The following NEK5 variants were observed in gnomAD, a reference collection of about 807,000 sequenced individuals.
The protein encoded by NEK5 is serine/threonine-protein kinase Nek5.
Under a neutral mutation model 109.2 loss-of-function variants are expected in NEK5, and 88 were observed. That is an observed-to-expected ratio of 0.81 (90% CI 0.68 to 0.96). The LOEUF is 0.96. Ranked by LOEUF, NEK5 falls within the 40% of genes least tolerant of loss-of-function variation. The pLI, the probability that NEK5 is intolerant of heterozygous loss-of-function variation, is 0.00. For synonymous variants in NEK5, 283 were observed against 299.9 expected (o/e 0.94, Z 0.58); for missense variants, 834 against 920.7 (o/e 0.91, Z 1.22).
At chr13:52,107,206 C>G (rs1955673018) in intron 8 of NEK5, among the ~76,000 whole-genome samples, 1 of 152,176 alleles carries the variant, frequency 6.6e-6, no homozygotes, top group Admixed American at 6.5e-5. Flanking sequence ...TCACTGGGAT[C>G]CCCATTTTGT....
At chr13:52,071,830 G>A (rs1954789037) in intron 20 of NEK5, 114 bp downstream of exon 20, 1 of 879,766 alleles carries the variant, frequency 1.1e-6, no homozygotes, top group East Asian at 2.5e-5. Context: ...GCTTAGAGAG[G>A]GCAGAAAGGG....
intron 3 of NEK5, among the ~76,000 whole-genome samples, chr13:52,124,693 C>T (rs1956031289): frequency 6.6e-6 from 1 of 152,164 alleles, no homozygotes; most frequent in South Asian, 2.1e-4. Flanking sequence ...AAGGCTAACA[C>T]CATTAAGTCA....
At position 52,108,359 on chromosome 13, in the gene NEK5, C is replaced by T. The variant is rs1488722920; in HGVS notation, c.513G>A (p.Leu171=). Residue 171 remains leucine, a synonymous_variant, in exon 8 of 24, where the codon CTG becomes CTA. Coordinates refer to ENST00000684899, the MANE Select transcript of NEK5 (RefSeq NM_001365552.1). The part of the protein sequence containing the change: ...ARTCIGTPYY[L]SPEICQNKPY... The stretch of plus-strand genomic sequence containing the variant: ...GTTTATTCTGACAGATCTCTGGGGA[C>T]AGGTAGTAAGGTGTTCCAATACAAG... 7 of 1,611,390 alleles carry T rather than the reference C, an allele frequency of 4.3e-6. No homozygotes were observed. In the Admixed American group the frequency reaches 8.3e-5, roughly 19 times the overall value.
rs1215563452 is a variant in NEK5 at position 52,034,410 on chromosome 13, A to ATTG, written c.*2535_*2537dup. On this transcript the variant is annotated 3_prime_UTR_variant, in exon 24 of 24. Coordinates refer to ENST00000684899, the MANE Select transcript of NEK5 (RefSeq NM_001365552.1). ...TCCAGTTTACAGCAAAGAATTCAAA[A>ATTG]TTGTTGAGTAAAGCTTGGTGACTAT... is the stretch of plus-strand genomic sequence containing the variant. 2 of 152,098 alleles carry ATTG rather than the reference A, an allele frequency of 1.3e-5. No individual in the cohort carries two copies. The highest frequency in any genetic ancestry group is 1.9e-4 in the East Asian group (1 of 5,196). 9.4% of individuals were successfully genotyped at this position (152,098 alleles called of 1,614,324 possible).
chr13:52,115,245 C>T (rs1955833691), intron 4 of NEK5, among the ~76,000 whole-genome samples: 1 of 151,886 alleles, frequency 6.6e-6, no homozygotes, highest in Non-Finnish European at 1.5e-5. Flanking sequence ...TCGTGATCCA[C>T]CCGCCTTGGC....
intron 3 of NEK5, among the ~76,000 whole-genome samples, chr13:52,126,257 G>A (rs182219327): frequency 1.3e-5 from 2 of 152,194 alleles, no homozygotes. Context: ...CACTGACCAA[G>A]GTGGATTTAG....
chr13:52,042,393 T>G (rs919271661), intron 23 of NEK5, among the ~76,000 whole-genome samples: 1 of 150,250 alleles, frequency 6.7e-6, no homozygotes, highest in African/African-American at 2.4e-5. Context: ...TAATAATATA[T>G]ATAATATTTT....
intron 14 of NEK5, 145 bp downstream of exon 14, chr13:52,089,102 C>CAACAACAACAACAACAAA (rs762548617): frequency 5.1e-5 from 31 of 602,494 alleles, no homozygotes; most frequent in Middle Eastern, 4.5e-4. Flanking sequence ...AAAACAACAA[C>CAACAACAACAACAACAAA]AACAAAAACA....
At chr13:52,095,997 A>T (rs531127409) in intron 12 of NEK5, among the ~76,000 whole-genome samples, 1 of 152,052 alleles carries the variant, frequency 6.6e-6, no homozygotes, top group African/African-American at 2.4e-5. Context: ...GTGAGTTTTC[A>T]TGAGATCTGG....
At chr13:52,080,473 T>A (rs1954982226) in intron 17 of NEK5, among the ~76,000 whole-genome samples, 2 of 152,168 alleles carry the variant, frequency 1.3e-5, no homozygotes, top group African/African-American at 4.8e-5. Context: ...GGGAAAAGAT[T>A]GAGAAATCGG....
At chr13:52,105,147 C>G (rs368353337) in intron 8 of NEK5, among the ~76,000 whole-genome samples, 38 of 151,950 alleles carry the variant, frequency 2.5e-4, no homozygotes, top group African/African-American at 9.2e-4. Flanking sequence ...CAAAAAATGT[C>G]TAATCAGAAG....
chr13:52,054,913 C>T (rs901650443), intron 22 of NEK5, among the ~76,000 whole-genome samples: 14 of 152,240 alleles, frequency 9.2e-5, no homozygotes, highest in Admixed American at 3.9e-4. Flanking sequence ...CAAAGGAACG[C>T]AGTTCCTCAC....
At chr13:52,080,300 T>C (rs1347134228) in intron 17 of NEK5, among the ~76,000 whole-genome samples, 2 of 141,188 alleles carry the variant, frequency 1.4e-5, no homozygotes, top group African/African-American at 5.3e-5. Context: ...GCCAGCCGCC[T>C]CGTCCGGGAG....
rs962625434 is a variant in NEK5 at position 52,071,939 on chromosome 13, C to T, written c.1849+5G>A. 3.7e-6 allele frequency: 6 copies of T among 1,612,890 alleles called. No homozygotes were observed. Among genetic ancestry groups the T allele is most frequent in the Non-Finnish European group, 5.1e-6 (6 of 1,179,260 alleles). Reference sequence around the variant, plus strand: ...TCTCATTTACAACTTTCAAGAAACACATACCTGCTTCTGGGCAGTGAAGTT... The same window carrying T: ...TCTCATTTACAACTTTCAAGAAACATATACCTGCTTCTGGGCAGTGAAGTT... On this transcript the variant is annotated splice_donor_5th_base_variant and intron_variant, in intron 20 of 23. Coordinates refer to ENST00000684899, the MANE Select transcript of NEK5 (RefSeq NM_001365552.1).
At chr13:52,106,995 G>A (rs1467318790) in intron 8 of NEK5, among the ~76,000 whole-genome samples, 1 of 152,010 alleles carries the variant, frequency 6.6e-6, no homozygotes, top group African/African-American at 2.4e-5. Context: ...AGACCACATT[G>A]TCTTCTACTT....
At chr13:52,083,447 C>G (rs1955056364) in intron 16 of NEK5, 95 bp from the exon 17 acceptor site, 1 of 736,840 alleles carries the variant, frequency 1.4e-6, no homozygotes, top group African/African-American at 1.7e-5. Flanking sequence ...AATGGCTGGA[C>G]AGAACCCTTT....
At chr13:52,077,670 A>G (rs893578330) in intron 17 of NEK5, among the ~76,000 whole-genome samples, 8 of 152,188 alleles carry the variant, frequency 5.3e-5, no homozygotes, top group African/African-American at 1.9e-4. Context: ...ATTCTGGAAC[A>G]CCATTTGGTA....
chr13:52,083,139 C>T (rs1024669524), intron 17 of NEK5, 121 bp downstream of exon 17: 21 of 630,896 alleles, frequency 3.3e-5, no homozygotes, highest in South Asian at 9.3e-5. Context: ...AGTGAGACTC[C>T]GTCTCATAGA....
rs1424781952 is a variant in NEK5 at position 52,034,746 on chromosome 13, T to A, written c.*2202A>T. On this transcript the variant is annotated 3_prime_UTR_variant, in exon 24 of 24. Coordinates refer to ENST00000684899, the MANE Select transcript of NEK5 (RefSeq NM_001365552.1). The stretch of plus-strand genomic sequence containing the variant: ...GGGTGGATAGAGATGGGTGTTTCCC[T>A]ATGTTGCCCAGGCTGGTCTCAAACT... 1 of 145,550 alleles carries A rather than the reference T, an allele frequency of 6.9e-6. No individual in the cohort carries two copies. The highest frequency in any genetic ancestry group is 7.0e-5 in the Admixed American group (1 of 14,190). 9.0% of individuals were successfully genotyped at this position (145,550 alleles called of 1,614,324 possible). A position where few individuals can be genotyped will look rare whatever the true frequency, so the allele number is the denominator to read the frequency against.
Sources: gnomAD v4.1 joint callset for allele counts (sites outside exome capture counted in the v4.1 genomes callset) on GRCh38, gnomAD v4.1.1 for gene constraint, MANE v1.5 for transcripts, NCBI Gene and HGNC (gene_info 2026-07-23, HGNC 2026-07-21) for gene names.